EIF5: variants seen among roughly 807,000 people sequenced by gnomAD.
EIF5 encodes the protein eukaryotic translation initiation factor 5.
In EIF5, 10 loss-of-function variants were observed where a neutral mutation model predicts 48.3. The observed-to-expected ratio is 0.21, with a 90% confidence interval of 0.13 to 0.35. The LOEUF (loss-of-function observed/expected upper bound fraction) is 0.35, where lower values mean the gene tolerates loss of function less well. EIF5 is among the 10% of genes least tolerant of loss of function. The pLI, the probability that EIF5 is intolerant of heterozygous loss-of-function variation, is 1.00. For missense variants in EIF5, 397 were observed against 533.2 expected, an observed-to-expected ratio of 0.74 and a Z score of 2.51; for synonymous variants, 237 against 173.1, an observed-to-expected ratio of 1.37 and a Z score of -2.90.
At chr14:103,337,379 C>G (rs1037563892) in intron 6 of EIF5, 152 bp downstream of exon 6, 1 of 635,904 alleles carries the variant, frequency 1.6e-6, no homozygotes, top group East Asian at 2.9e-5. Context: ...CCAGGGCGGG[C>G]ACATCACTTG....
At position 103,336,030 on chromosome 14, in the gene EIF5, C is replaced by T. The variant is rs746670248; in HGVS notation, c.73-6C>T. The T allele has an allele frequency of 3.1e-6, 5 of 1,613,876 alleles. No individual in the cohort carries two copies. Among genetic ancestry groups the T allele is most frequent in the East Asian group, 4.5e-5 (2 of 44,890 alleles). ...ACTGCACAACTAAAATTCTTATTTC[C>T]TTTAGGTTGAGGGCAAAGGCAATGG... On this transcript the variant is annotated splice_region_variant and splice_polypyrimidine_tract_variant and intron_variant, in intron 3 of 11. Coordinates refer to ENST00000216554, the MANE Select transcript of EIF5 (RefSeq NM_001969.5).
intron 4 of EIF5, 119 bp downstream of exon 4, chr14:103,336,236 A>T (rs1023474207): frequency 2.8e-6 from 3 of 1,066,504 alleles, no homozygotes; most frequent in Non-Finnish European, 4.0e-6. Flanking sequence ...TAAGTGAGGA[A>T]CCGTGGTTTA....
At position 103,342,643 on chromosome 14, in the gene EIF5, T is replaced by C. The variant is rs1193932989; in HGVS notation, c.*1591T>C. ...GTAATAAAACTTGGTTGGCTTGATA[T>C]TTTAAGGAATTGAAACCTAGCAATC... On this transcript the variant is annotated 3_prime_UTR_variant, in exon 12 of 12. Coordinates refer to ENST00000216554, the MANE Select transcript of EIF5 (RefSeq NM_001969.5). 6.6e-6 allele frequency: 1 copy of C among 152,626 alleles called. No individual in the cohort carries two copies. The highest frequency in any genetic ancestry group is 1.5e-5 in the Non-Finnish European group (1 of 68,044). The allele number at this position is 152,626 out of a possible 1,614,324, so 9.5% of individuals were successfully genotyped here. A position where few individuals can be genotyped will look rare whatever the true frequency, so the allele number is the denominator to read the frequency against.
At position 103,342,587 on chromosome 14, in the gene EIF5, T is replaced by A. The variant is rs1023873342; in HGVS notation, c.*1535T>A. 2.0e-5 allele frequency: 3 copies of A among 152,382 alleles called. No individual in the cohort carries two copies. Among genetic ancestry groups the A allele is most frequent in the African/African-American group, 7.2e-5 (3 of 41,436 alleles). 9.4% of individuals were successfully genotyped at this position (152,382 alleles called of 1,614,324 possible). A position where few individuals can be genotyped will look rare whatever the true frequency, so the allele number is the denominator to read the frequency against. ...TTAATAACAAATAGGCGTAAAAAAA[T>A]TTTCACATTGAAATGATAGAAACAT... On this transcript the variant is annotated 3_prime_UTR_variant, in exon 12 of 12. Transcript: ENST00000216554.
At chr14:103,336,386 G>C in intron 4 of EIF5, 1 of 567,860 alleles carries the variant, frequency 1.8e-6, no homozygotes, top group Non-Finnish European at 3.1e-6. Flanking sequence ...TTCTAGACCA[G>C]CCTAGCCAAC....
At position 103,339,279 on chromosome 14, in the gene EIF5, T is replaced by A. The variant is rs1377312960; in HGVS notation, c.852T>A (p.Leu284=). ...AMGPLVLTEV[L]FNEKIREQIK... The stretch of plus-strand genomic sequence containing the variant: ...GCCCTCTTGTTCTAACTGAAGTTCT[T>A]TTTAATGAGAAGATTAGAGAACAGA... Residue 284 remains leucine, a synonymous_variant, in exon 9 of 12, where the codon CTT becomes CTA. Coordinates refer to ENST00000216554, the MANE Select transcript of EIF5 (RefSeq NM_001969.5). 6.2e-7 allele frequency: 1 copy of A among 1,610,794 alleles called. No individual in the cohort carries two copies.
intron 4 of EIF5, chr14:103,336,384 C>T (rs986380439): frequency 1.8e-6 from 1 of 568,170 alleles, no homozygotes. Flanking sequence ...AGTTCTAGAC[C>T]AGCCTAGCCA....
intron 4 of EIF5, 164 bp downstream of exon 4, chr14:103,336,281 A>G (rs2140358656): frequency 2.6e-6 from 2 of 763,336 alleles, no homozygotes; most frequent in Non-Finnish European, 2.1e-6. Flanking sequence ...TACCAGGGGA[A>G]CGCATTTAAA....
chr14:103,335,197 T>C (rs990085734), intron 2 of EIF5: 2 of 152,184 alleles, frequency 1.3e-5, no homozygotes, highest in East Asian at 3.9e-4. Context: ...TAAGCCATGG[T>C]TGCCGAAGCA....
intron 11 of EIF5, 69 bp from the exon 12 acceptor site, chr14:103,340,894 A>G: frequency 6.6e-7 from 1 of 1,518,100 alleles, no homozygotes; most frequent in South Asian, 1.1e-5. Flanking sequence ...CTGTGACCAC[A>G]ATTTACATTG....
chr14:103,337,797 T>C (rs565345079), intron 6 of EIF5: 1 of 468,558 alleles, frequency 2.1e-6, no homozygotes, highest in South Asian at 1.6e-5. Flanking sequence ...AAAGTTTCTT[T>C]TACTGGCATT....
chr14:103,337,205 A>G lies in EIF5; in HGVS notation c.417A>G (p.Thr139=), dbSNP rs757197139. The G allele has an allele frequency of 6.2e-6, 10 of 1,612,682 alleles. No individual in the cohort carries two copies. The highest frequency in any genetic ancestry group is 4.4e-5 in the South Asian group (4 of 90,542). ...TTGACACACATCATAAACTCTGCAC[A>G]TTCATTCTCAAAAACCCACCTGGTG... is the stretch of plus-strand genomic sequence containing the variant. ...GMLDTHHKLC[T]FILKNPPENS... Residue 139 remains threonine, a synonymous_variant, in exon 6 of 12, where the codon ACA becomes ACG. Transcript: ENST00000216554.
In EIF5 at chr14:103,342,125, AT is replaced by A. The variant is rs1393507573; in HGVS notation, c.*1077del. ...AAGTGTTAACTGTGTTTCAAACTTGATTTTCTTTCCTTTTTCTTTTTTTTTT... is the reference window on the plus strand; with the variant it reads ...AAGTGTTAACTGTGTTTCAAACTTGATTTCTTTCCTTTTTCTTTTTTTTTT... On this transcript the variant is annotated 3_prime_UTR_variant, in exon 12 of 12. Transcript: ENST00000216554. The A allele has an allele frequency of 1.3e-5, 2 of 151,634 alleles. No homozygotes were observed. Among genetic ancestry groups the A allele is most frequent in the African/African-American group, 4.9e-5 (2 of 41,184 alleles). 9.4% of individuals were successfully genotyped at this position (151,634 alleles called of 1,614,324 possible). A position where few individuals can be genotyped will look rare whatever the true frequency, so the allele number is the denominator to read the frequency against.
At position 103,342,217 on chromosome 14, in the gene EIF5, G is replaced by A. The variant is rs557397532; in HGVS notation, c.*1165G>A. The A allele has an allele frequency of 6.6e-6, 1 of 152,376 alleles. No homozygotes were observed. Among genetic ancestry groups the A allele is most frequent in the East Asian group, 1.9e-4 (1 of 5,172 alleles). The allele number at this position is 152,376 out of a possible 1,614,324, so 9.4% of individuals were successfully genotyped here. On this transcript the variant is annotated 3_prime_UTR_variant, in exon 12 of 12. Coordinates refer to ENST00000216554, the MANE Select transcript of EIF5 (RefSeq NM_001969.5). ...CTTCTAAGTCAGAGCCTCTATTTTG[G>A]TGTAAGACTTGGGATATTTTTTACT... is the stretch of plus-strand genomic sequence containing the variant.
rs1297543109 is a variant in EIF5 at position 103,336,667 on chromosome 14, A to G, written c.155-10A>G. 1.9e-6 allele frequency: 3 copies of G among 1,594,974 alleles called. No homozygotes were observed. The highest frequency in any genetic ancestry group is 2.6e-6 in the Non-Finnish European group (3 of 1,172,808). On this transcript the variant is annotated splice_polypyrimidine_tract_variant and intron_variant, in intron 4 of 11. Coordinates refer to ENST00000216554, the MANE Select transcript of EIF5 (RefSeq NM_001969.5). ...CTGTAACGATCCAAACTCCTTTTTC[A>G]TTCAAATAGATCCCACCAAATATTT...
Position 103,342,562 on chromosome 14 carries a change from TTAA to T in EIF5, c.*1514_*1516del, listed in dbSNP as rs761462719. 5 of 152,346 alleles carry T rather than the reference TTAA, an allele frequency of 3.3e-5. No individual in the cohort carries two copies. The highest frequency in any genetic ancestry group is 7.3e-5 in the Non-Finnish European group (5 of 68,044). 9.4% of individuals were successfully genotyped at this position (152,346 alleles called of 1,614,324 possible). On this transcript the variant is annotated 3_prime_UTR_variant, in exon 12 of 12. Transcript: ENST00000216554. The stretch of plus-strand genomic sequence containing the variant: ...TGATTATTTCACAGATAATGAGACC[TTAA>T]TAACAAATAGGCGTAAAAAAATTTT...
intron 5 of EIF5, 57 bp from the exon 6 acceptor site, chr14:103,337,059 C>T: frequency 2.6e-6 from 4 of 1,510,586 alleles, no homozygotes; most frequent in Non-Finnish European, 3.6e-6. Flanking sequence ...TTTAGATGTC[C>T]TCTGATTAGA....
In EIF5 at chr14:103,336,867, T is replaced by A. The variant is rs1377779789; in HGVS notation, c.327+18T>A. On this transcript the variant is annotated intron_variant, in intron 5 of 11. Coordinates refer to ENST00000216554, the MANE Select transcript of EIF5 (RefSeq NM_001969.5). Reference sequence around the variant, plus strand: ...CAGATTTGGTAAGTGCTTTTGTGGTTGTCGAAAGAAAAAGCCATATACCTG... The same window carrying A: ...CAGATTTGGTAAGTGCTTTTGTGGTAGTCGAAAGAAAAAGCCATATACCTG... 6.2e-7 allele frequency: 1 copy of A among 1,602,394 alleles called. No individual in the cohort carries two copies. The highest frequency in any genetic ancestry group is 8.5e-7 in the Non-Finnish European group (1 of 1,175,198).
intron 11 of EIF5, among the ~76,000 whole-genome samples, 183 bp from the exon 12 acceptor site, chr14:103,340,780 T>C (rs1003372686): frequency 6.6e-6 from 1 of 152,196 alleles, no homozygotes; most frequent in Non-Finnish European, 1.5e-5. Context: ...AAAAAAACTT[T>C]AAAAATGCTC....
Sources: allele counts gnomAD v4.1 joint callset (sites outside exome capture counted in the v4.1 genomes callset), GRCh38; gene constraint gnomAD v4.1.1; transcripts MANE v1.5; gene names NCBI Gene and HGNC (gene_info 2026-07-23, HGNC 2026-07-21).